The following NEGR1 variants were observed in gnomAD, a reference collection of about 807,000 sequenced individuals.
NEGR1 encodes the protein neuronal growth regulator 1.
A neutral mutation model predicts 40.9 loss-of-function variants in NEGR1; 10 were observed. The observed-to-expected ratio is 0.24, with a 90% CI of 0.15 to 0.42. NEGR1 has a LOEUF of 0.42. Ranked by LOEUF, NEGR1 falls within the 10% of genes least tolerant of loss-of-function variation. The probability of loss-of-function intolerance (pLI) is 1.00; values close to 1 mark genes in which losing one functional copy is unlikely to be tolerated. For synonymous variants in NEGR1, 185 were observed against 166.8 expected (o/e 1.11, Z -0.84); for missense variants, 352 against 438.9 (o/e 0.80, Z 1.77).
chr1:71,735,465 G>T (rs1475229522), intron 3 of NEGR1, among the ~76,000 whole-genome samples: 1 of 151,920 alleles, frequency 6.6e-6, no homozygotes, highest in Non-Finnish European at 1.5e-5. Context: ...TGCTTAATTG[G>T]GTGGCTGGTA....
intron 4 of NEGR1, among the ~76,000 whole-genome samples, chr1:71,678,717 C>G (rs985199614): frequency 6.6e-6 from 1 of 152,002 alleles, no homozygotes; most frequent in Non-Finnish European, 1.5e-5. Context: ...GGTTACTAGG[C>G]ACAGTATTGA....
intron 1 of NEGR1, among the ~76,000 whole-genome samples, chr1:72,078,585 A>T (rs190111603): frequency 6.7e-6 from 1 of 150,120 alleles, no homozygotes; most frequent in Non-Finnish European, 1.5e-5. Flanking sequence ...ATTAAAAGTG[A>T]TATAAATATA....
In NEGR1 at chr1:72,233,650, T is replaced by C. The variant is rs57076917; in HGVS notation, c.176+48669A>G. Among the ~76,000 whole-genome samples, 1,447 of 152,308 alleles carry C rather than the reference T, an allele frequency of 9.5e-3. 24 individuals are homozygous for C. The highest frequency in any genetic ancestry group is 0.033 in the African/African-American group (1,375 of 41,578). The stretch of plus-strand genomic sequence containing the variant: ...TCATTCTTTTCATGGCTACATAGTA[T>C]TCTAGGATGTATACATACCACATTT... On this transcript the variant is annotated intron_variant, in intron 1 of 6. Coordinates refer to ENST00000357731, the MANE Select transcript of NEGR1 (RefSeq NM_173808.3).
chr1:72,197,983 T>A (rs1653060831), intron 1 of NEGR1, among the ~76,000 whole-genome samples: 1 of 152,026 alleles, frequency 6.6e-6, no homozygotes, highest in Non-Finnish European at 1.5e-5. Context: ...ACTCTGTCAG[T>A]TTTTCAGAGA....
intron 6 of NEGR1, among the ~76,000 whole-genome samples, chr1:71,408,050 C>T (rs1342580341): frequency 6.6e-6 from 1 of 151,942 alleles, no homozygotes; most frequent in African/African-American, 2.4e-5. Context: ...GAGAAAAGAT[C>T]TTCAAACAAT....
rs564300851 is a variant in NEGR1 at position 72,018,025 on chromosome 1, A to G, written c.177-82714T>C. On this transcript the variant is annotated intron_variant, in intron 1 of 6. Transcript: ENST00000357731. ...ATATTTATTTCAATCTTGATTTCCA[A>G]GAGTCTAGGATTTTATCTGGCTCAT... 2.0e-5 allele frequency among the ~76,000 whole-genome samples: 3 copies of G among 152,256 alleles called. No individual in the cohort carries two copies. In the South Asian group the frequency reaches 6.2e-4, roughly 32 times the overall value.
At chr1:71,654,058 C>T (rs925101426) in intron 4 of NEGR1, among the ~76,000 whole-genome samples, 3 of 152,052 alleles carry the variant, frequency 2.0e-5, no homozygotes, top group African/African-American at 7.2e-5. Flanking sequence ...GAGGAACCTT[C>T]AAGTCATATT....
At chr1:71,690,713 T>A (rs2101621735) in intron 4 of NEGR1, among the ~76,000 whole-genome samples, 1 of 151,340 alleles carries the variant, frequency 6.6e-6, no homozygotes, top group East Asian at 2.0e-4. Context: ...ACTTTATCAC[T>A]TTTCTTCCGT....
chr1:72,131,414 GAAAC>G (rs1199965780), intron 1 of NEGR1, among the ~76,000 whole-genome samples: 1 of 152,156 alleles, frequency 6.6e-6, no homozygotes, highest in East Asian at 1.9e-4. Flanking sequence ...TTAAGGTAAA[GAAAC>G]AATTAAATTC....
At chr1:71,496,664 G>A (rs1646965908) in intron 6 of NEGR1, among the ~76,000 whole-genome samples, 1 of 151,968 alleles carries the variant, frequency 6.6e-6, no homozygotes, top group Non-Finnish European at 1.5e-5. Flanking sequence ...GGAGGGCCCT[G>A]AAGGACCCTA....
At chr1:72,109,133 G>C (rs1364742697) in intron 1 of NEGR1, among the ~76,000 whole-genome samples, 2 of 151,496 alleles carry the variant, frequency 1.3e-5, no homozygotes, top group South Asian at 4.2e-4. Context: ...TAGTTATGTA[G>C]ACAAATTTCT....
At chr1:72,255,126 T>C (rs781674879) in intron 1 of NEGR1, among the ~76,000 whole-genome samples, 32 of 152,130 alleles carry the variant, frequency 2.1e-4, no homozygotes, top group Non-Finnish European at 3.4e-4. Context: ...TGAAATGAAG[T>C]TGATGTATTA....
chr1:71,451,254 T>C (rs752879334), intron 6 of NEGR1, among the ~76,000 whole-genome samples: 60 of 152,284 alleles, frequency 3.9e-4, no homozygotes, highest in Non-Finnish European at 7.9e-4. Flanking sequence ...GAGGTTTTTT[T>C]ACTTTAGCTA....
At chr1:72,095,964 T>G (rs1648680815) in intron 1 of NEGR1, among the ~76,000 whole-genome samples, 1 of 152,210 alleles carries the variant, frequency 6.6e-6, no homozygotes, top group African/African-American at 2.4e-5. Flanking sequence ...AAATAGTGGA[T>G]TAAATATTTC....
At chr1:71,924,884 A>C (rs1645757781) in intron 2 of NEGR1, among the ~76,000 whole-genome samples, 1 of 151,944 alleles carries the variant, frequency 6.6e-6, no homozygotes, top group Non-Finnish European at 1.5e-5. Flanking sequence ...ATGTCTAACT[A>C]ATCCTTTTTT....
chr1:71,637,994 T>C (rs928081067), intron 4 of NEGR1, among the ~76,000 whole-genome samples: 1 of 152,090 alleles, frequency 6.6e-6, no homozygotes, highest in Non-Finnish European at 1.5e-5. Context: ...TATATTATTT[T>C]TATCATTTAG....
intron 6 of NEGR1, among the ~76,000 whole-genome samples, chr1:71,428,862 A>T (rs147969734): frequency 0.022 from 3,312 of 152,056 alleles, 54 homozygotes; most frequent in South Asian, 0.077. Flanking sequence ...ACAAATGTAA[A>T]GGCTTAAAAA....
intron 6 of NEGR1, chr1:71,468,308 CCACCAGTAAAAGTACCACTGCTGAAAT>C (rs1459047481): frequency 1.3e-5 from 2 of 151,844 alleles, no homozygotes; most frequent in African/African-American, 4.8e-5. Flanking sequence ...TCTGATGAAT[CCACCAGTAAAAGTACCACTGCTGAAAT>C]CACGCAAATA....
At chr1:71,603,283 C>T (rs758129472) in intron 5 of NEGR1, among the ~76,000 whole-genome samples, 21 of 152,156 alleles carry the variant, frequency 1.4e-4, no homozygotes, top group Non-Finnish European at 2.5e-4. Flanking sequence ...TAACTGCCTA[C>T]GTTGCATATA....
Sources: allele counts gnomAD v4.1 joint callset (sites outside exome capture counted in the v4.1 genomes callset), GRCh38; gene constraint gnomAD v4.1.1; transcripts MANE v1.5; gene names NCBI Gene and HGNC (gene_info 2026-07-23, HGNC 2026-07-21).